RPS6KA2: variants seen among roughly 807,000 people sequenced by gnomAD.
RPS6KA2 encodes ribosomal protein S6 kinase alpha-2.
A neutral mutation model predicts 91.8 loss-of-function variants in RPS6KA2; 42 were observed. The ratio of observed to expected loss-of-function variants is 0.46; its 90% confidence interval spans 0.36 to 0.59. The LOEUF (loss-of-function observed/expected upper bound fraction) is 0.59. RPS6KA2 is among the 20% of genes least tolerant of loss of function. The probability of loss-of-function intolerance (pLI) is 0.00; values close to 1 mark genes in which losing one functional copy is unlikely to be tolerated. For missense variants in RPS6KA2, 798 were observed against 978.5 expected (o/e 0.82, Z 2.46); for synonymous variants, 414 against 393.6 (o/e 1.05, Z -0.61).
In RPS6KA2 at chr6:166,498,517, G is replaced by A. The variant is rs1338028043; in HGVS notation, c.738C>T (p.Gly246=). 8.7e-6 allele frequency: 14 copies of A among 1,609,794 alleles called. No individual in the cohort carries two copies. Among genetic ancestry groups the A allele is most frequent in the African/African-American group, 6.7e-5 (5 of 74,588 alleles). ...HTQSADWWSF[G]VLMFEMLTGS... is the part of the protein sequence containing the mutation. ...GTCGGGGCAGGCTCACCATGAGCAC[G>A]CCGAAGGACCACCAGTCGGCACTCT... Residue 246 remains glycine, a synonymous_variant, in exon 8 of 21, where the codon GGC becomes GGT. Transcript: ENST00000265678.
chr6:166,616,145 G>A (rs1786402875), intron 1 of RPS6KA2, among the ~76,000 whole-genome samples: 1 of 152,158 alleles, frequency 6.6e-6, no homozygotes, highest in African/African-American at 2.4e-5. Context: ...CATGCCACCT[G>A]AGAGCCCCCC....
rs1786914213 is a variant in RPS6KA2, at chr6:166,627,092, A to G, written c.-73T>C. 6.5e-6 allele frequency: 8 copies of G among 1,231,240 alleles called. No individual in the cohort carries two copies. The highest frequency in any genetic ancestry group is 8.2e-6 in the Non-Finnish European group (8 of 979,408). 76.3% of individuals were successfully genotyped at this position (1,231,240 alleles called of 1,614,324 possible). ...CCCCGGCATCCCAGGCGCGGGGCTCAGGTCCGCGGGCGGGCACGCGTGGCC... is the reference window on the plus strand; with the variant it reads ...CCCCGGCATCCCAGGCGCGGGGCTCGGGTCCGCGGGCGGGCACGCGTGGCC... On this transcript the variant is annotated 5_prime_UTR_variant, in exon 1 of 21. An upstream open reading frame in the 5' UTR loses its in-frame stop. Coordinates refer to ENST00000265678, the MANE Select transcript of RPS6KA2 (RefSeq NM_021135.6).
At chr6:166,586,025 T>C in intron 1 of RPS6KA2, 1 of 610,518 alleles carries the variant, frequency 1.6e-6, no homozygotes, top group Non-Finnish European at 2.5e-6. Flanking sequence ...ATCCATTCTG[T>C]AAAATCAGAT....
intron 2 of RPS6KA2, among the ~76,000 whole-genome samples, chr6:166,816,920 A>G (rs1426649116): frequency 6.6e-6 from 1 of 152,160 alleles, no homozygotes; most frequent in Non-Finnish European, 1.5e-5. Flanking sequence ...GCTTGGGTTG[A>G]AACATGGAAA....
Position 166,737,438 on chromosome 6 carries a change from T to C in RPS6KA2, c.123+120762A>G, listed in dbSNP as rs1583062674. Among the ~76,000 whole-genome samples, 1 of 152,158 alleles carries C rather than the reference T, an allele frequency of 6.6e-6. No individual in the cohort carries two copies. The highest frequency in any genetic ancestry group is 6.5e-5 in the Admixed American group (1 of 15,282). On this transcript the variant is annotated intron_variant, in intron 2 of 21. Transcript: ENST00000503859. This position sits in a 1 kb window ranked among gnomAD's most constrained non-coding sequence, Gnocchi z 4.3. The stretch of plus-strand genomic sequence containing the variant: ...ATGCATAGCCAGACACCTCGAGAAA[T>C]GACGCACGCCTTACTCATTTATAAT...
chr6:166,507,467 T>G (rs1486229225), intron 5 of RPS6KA2, among the ~76,000 whole-genome samples: 1 of 136,710 alleles, frequency 7.3e-6, no homozygotes, highest in Non-Finnish European at 1.6e-5. Context: ...ACACACACCC[T>G]ACATAGGCAC....
intron 2 of RPS6KA2, among the ~76,000 whole-genome samples, chr6:166,708,951 G>T (rs1395364479): frequency 1.3e-5 from 2 of 152,306 alleles, no homozygotes; most frequent in Admixed American, 1.3e-4. Flanking sequence ...GTAGACAACT[G>T]GGAGAGATAT....
chr6:166,812,291 G>A (rs1240614119), intron 2 of RPS6KA2, among the ~76,000 whole-genome samples: 4 of 152,220 alleles, frequency 2.6e-5, no homozygotes, highest in Admixed American at 6.5e-5. Context: ...GGGAGACAGA[G>A]GCTGCAGTGA....
intron 11 of RPS6KA2, 143 bp downstream of exon 11, chr6:166,469,698 C>T (rs1780684189): frequency 2.6e-6 from 2 of 771,562 alleles, no homozygotes; most frequent in African/African-American, 1.7e-5. Context: ...CTGGGGGCTC[C>T]CTGCCTGCAG....
intron 1 of RPS6KA2, among the ~76,000 whole-genome samples, chr6:166,564,495 C>T (rs56318838): frequency 0.14 from 21,099 of 152,246 alleles, 1,987 homozygotes; most frequent in Non-Finnish European, 0.2. Context: ...GTCCGCCCCA[C>T]GCCTCCCCTT....
At chr6:166,606,879 G>A (rs554248651) in intron 1 of RPS6KA2, among the ~76,000 whole-genome samples, 3 of 152,238 alleles carry the variant, frequency 2.0e-5, no homozygotes, top group East Asian at 1.9e-4. Context: ...GGTGGCTCAC[G>A]CCTGTAATCC....
chr6:166,709,259 A>G (rs1789777176), intron 2 of RPS6KA2, among the ~76,000 whole-genome samples: 1 of 152,210 alleles, frequency 6.6e-6, no homozygotes, highest in Non-Finnish European at 1.5e-5. Context: ...CATTACTTTT[A>G]TTAATGGAGG....
At chr6:166,675,309 C>G (rs1788586348) in intron 2 of RPS6KA2, among the ~76,000 whole-genome samples, 1 of 152,212 alleles carries the variant, frequency 6.6e-6, no homozygotes, top group African/African-American at 2.4e-5. Flanking sequence ...CCTGCAGTTC[C>G]AGCCCACCTA....
intron 2 of RPS6KA2, among the ~76,000 whole-genome samples, chr6:166,763,845 C>T (rs768116065): frequency 1.6e-4 from 24 of 152,130 alleles, no homozygotes; most frequent in Admixed American, 1.5e-3. Context: ...TGTGCCTGTC[C>T]GTGTACCTCG....
At chr6:166,421,040 G>A (rs1367040641) in intron 17 of RPS6KA2, among the ~76,000 whole-genome samples, 1 of 152,208 alleles carries the variant, frequency 6.6e-6, no homozygotes, top group African/African-American at 2.4e-5. Context: ...GTGTGAGCCT[G>A]CACCATGGAG....
intron 11 of RPS6KA2, chr6:166,460,918 G>T: frequency 6.6e-6 from 1 of 152,420 alleles, no homozygotes; most frequent in Non-Finnish European, 1.5e-5. Context: ...CCTCCGATGA[G>T]GCCCGACGGG....
chr6:166,429,998 C>A lies in RPS6KA2; in HGVS notation c.1581+455G>T, dbSNP rs140469454. Among the ~76,000 whole-genome samples the A allele has an allele frequency of 7.2e-4, 108 of 150,676 alleles. 1 individual carries two copies. Among genetic ancestry groups the A allele is most frequent in the African/African-American group, 2.5e-3 (103 of 40,710 alleles). The stretch of plus-strand genomic sequence containing the variant: ...TTTGAGATGGAGTCTCGTCCTGTCA[C>A]GCAGGCTGGAGTGCAATGGTGCTAT... On this transcript the variant is annotated intron_variant, in intron 16 of 20. Coordinates refer to ENST00000265678, the MANE Select transcript of RPS6KA2 (RefSeq NM_021135.6).
At chr6:166,843,224 C>T (rs183054221) in intron 2 of RPS6KA2, among the ~76,000 whole-genome samples, 1 of 152,318 alleles carries the variant, frequency 6.6e-6, no homozygotes, top group African/African-American at 2.4e-5. Context: ...CACACCAAAC[C>T]CTGCTCAAGG....
chr6:166,853,451 G>A (rs185479771), intron 2 of RPS6KA2, among the ~76,000 whole-genome samples: 1 of 152,278 alleles, frequency 6.6e-6, no homozygotes, highest in East Asian at 1.9e-4. Context: ...CACAGACTTC[G>A]CCTCTGTGCC....
Sources: gnomAD v4.1 joint callset for allele counts (sites outside exome capture counted in the v4.1 genomes callset) on GRCh38, gnomAD v4.1.1 for gene constraint, Gnocchi (gnomAD v3.1) non-coding constraint, MANE v1.5 for transcripts, NCBI Gene and HGNC (gene_info 2026-07-23, HGNC 2026-07-21) for gene names.